CPPED1: variants seen among roughly 807,000 people sequenced by gnomAD.
CPPED1 encodes the protein serine/threonine-protein phosphatase CPPED1.
CPPED1 carries 28 observed loss-of-function variants against 28.0 expected under a neutral mutation model. That is an observed-to-expected ratio of 1.00 (90% CI 0.74 to 1.37). CPPED1 has a LOEUF of 1.37. CPPED1 is among the 40% of genes most tolerant of loss of function. The pLI, the probability that CPPED1 is intolerant of heterozygous loss-of-function variation, is 0.00. For synonymous variants in CPPED1, 198 were observed against 180.2 expected (o/e 1.10, Z -0.79); for missense variants, 504 against 416.5 (o/e 1.21, Z -1.83).
chr16:12,748,051 T>C (rs1177933679), intron 2 of CPPED1, among the ~76,000 whole-genome samples: 1 of 152,220 alleles, frequency 6.6e-6, no homozygotes. Flanking sequence ...ATTTCTGCTA[T>C]GCGTATAAAT....
intron 2 of CPPED1, among the ~76,000 whole-genome samples, chr16:12,739,336 T>C (rs955726863): frequency 3.3e-5 from 5 of 152,060 alleles, no homozygotes; most frequent in Non-Finnish European, 7.4e-5. Flanking sequence ...TCACAGCACT[T>C]TGGGAGGCTG....
intron 1 of CPPED1, 26 bp downstream of exon 1, chr16:12,803,681 C>A: frequency 6.6e-7 from 1 of 1,506,904 alleles, no homozygotes; most frequent in East Asian, 2.7e-5. Flanking sequence ...CCAGAGTCCC[C>A]TCCCCGGGTG....
chr16:12,725,755 C>T (rs766805648), intron 2 of CPPED1, among the ~76,000 whole-genome samples: 4 of 152,212 alleles, frequency 2.6e-5, no homozygotes, highest in African/African-American at 4.8e-5. Context: ...AATGAAAACA[C>T]GTCTTAGATA....
rs773062958 is a variant in CPPED1 at position 12,704,613 on chromosome 16, G to T, written c.715+11C>A. On this transcript the variant is annotated intron_variant, in intron 3 of 3. Coordinates refer to ENST00000381774, the MANE Select transcript of CPPED1 (RefSeq NM_018340.3). ...CCTTCCTCCCTGAAACCCGTGGCCC[G>T]GGGCCTCTACCTGCGTGGATGAACT... 6.3e-7 allele frequency: 1 copy of T among 1,596,982 alleles called. No individual in the cohort carries two copies. Among genetic ancestry groups the T allele is most frequent in the African/African-American group, 1.3e-5 (1 of 74,708 alleles).
chr16:12,729,093 G>A (rs1014140941), intron 2 of CPPED1, among the ~76,000 whole-genome samples: 2 of 152,230 alleles, frequency 1.3e-5, no homozygotes, highest in African/African-American at 4.8e-5. Context: ...CTCTGTGCTG[G>A]AGGAAGCCCC....
At chr16:12,792,831 C>G (rs1245575860) in intron 1 of CPPED1, among the ~76,000 whole-genome samples, 1 of 152,286 alleles carries the variant, frequency 6.6e-6, no homozygotes, top group Non-Finnish European at 1.5e-5. Context: ...ATTGTGAGGC[C>G]TCCCCAGCCA....
intron 2 of CPPED1, among the ~76,000 whole-genome samples, chr16:12,767,622 G>A (rs1247902873): frequency 6.6e-6 from 1 of 152,182 alleles, no homozygotes; most frequent in African/African-American, 2.4e-5. Context: ...GCTGGATGAA[G>A]CCCATCCATG....
chr16:12,794,951 T>C (rs2080618027), intron 1 of CPPED1, among the ~76,000 whole-genome samples: 1 of 152,236 alleles, frequency 6.6e-6, no homozygotes, highest in African/African-American at 2.4e-5. Flanking sequence ...TTGGCATCAC[T>C]GGCTTTGGCT....
At chr16:12,736,914 G>C (rs1231707929) in intron 2 of CPPED1, among the ~76,000 whole-genome samples, 4 of 152,172 alleles carry the variant, frequency 2.6e-5, no homozygotes, top group Non-Finnish European at 4.4e-5. Flanking sequence ...CATCAGATGG[G>C]TGCGGTGGCT....
chr16:12,708,340 T>G (rs1046740045), intron 2 of CPPED1, among the ~76,000 whole-genome samples: 11 of 152,108 alleles, frequency 7.2e-5, no homozygotes, highest in Non-Finnish European at 1.6e-4. Context: ...CTCTGAGTCT[T>G]GGTTTCATCG....
chr16:12,749,219 T>C (rs1203878164), intron 2 of CPPED1, among the ~76,000 whole-genome samples: 3 of 152,214 alleles, frequency 2.0e-5, no homozygotes, highest in Non-Finnish European at 4.4e-5. Context: ...TCCTTCCAAA[T>C]TGCAGTGAAT....
intron 1 of CPPED1, among the ~76,000 whole-genome samples, chr16:12,801,970 G>A (rs1444752315): frequency 1.3e-5 from 2 of 152,088 alleles, no homozygotes; most frequent in Non-Finnish European, 2.9e-5. Context: ...TCAGGGGTGG[G>A]GAGGAAGACA....
rs116004475 is a variant in CPPED1, at chr16:12,739,995, C to A, written c.290-34946G>T. The stretch of plus-strand genomic sequence containing the variant: ...TAAGTCAATGGTCGGAGCTGCCTAG[C>A]CTTGTTATTATGTGGAAAGAAAGAC... On this transcript the variant is annotated intron_variant, in intron 2 of 3. Transcript: ENST00000381774. 3.7e-3 allele frequency among the ~76,000 whole-genome samples: 549 copies of A among 147,150 alleles called. 3 individuals are homozygous for A. Among genetic ancestry groups the A allele is most frequent in the African/African-American group, 0.013 (525 of 39,690 alleles).
rs2079785167 is a variant in CPPED1 at position 12,660,048 on chromosome 16, G to C, written c.*4838C>G. The C allele has an allele frequency of 6.6e-6, 1 of 152,186 alleles. No individual in the cohort carries two copies. The highest frequency in any genetic ancestry group is 1.5e-5 in the Non-Finnish European group (1 of 68,052). 9.4% of individuals were successfully genotyped at this position (152,186 alleles called of 1,614,324 possible). A position where few individuals can be genotyped will look rare whatever the true frequency, so the allele number is the denominator to read the frequency against. On this transcript the variant is annotated 3_prime_UTR_variant, in exon 4 of 4. Transcript: ENST00000381774. Reference sequence around the variant, plus strand: ...ACCAGGTCCGTCCCTTGACACATGGGGATTATGGGGATTACAATTCGAGAT... The same window carrying C: ...ACCAGGTCCGTCCCTTGACACATGGCGATTATGGGGATTACAATTCGAGAT...
intron 2 of CPPED1, among the ~76,000 whole-genome samples, chr16:12,729,558 C>T (rs1278707265): frequency 1.3e-5 from 2 of 152,124 alleles, no homozygotes; most frequent in Admixed American, 6.5e-5. Flanking sequence ...CAGAAAACGA[C>T]GTCTGGAGTA....
At chr16:12,726,772 G>A (rs551510594) in intron 2 of CPPED1, among the ~76,000 whole-genome samples, 3 of 152,124 alleles carry the variant, frequency 2.0e-5, no homozygotes, top group East Asian at 1.9e-4. Flanking sequence ...TGGCACCACT[G>A]TACTCCAGCC....
intron 2 of CPPED1, among the ~76,000 whole-genome samples, chr16:12,756,361 C>A (rs902637113): frequency 6.6e-6 from 1 of 152,154 alleles, no homozygotes; most frequent in African/African-American, 2.4e-5. Flanking sequence ...GTGGGCAGTT[C>A]CACGCAAACT....
At chr16:12,740,627 G>C (rs763603960) in intron 2 of CPPED1, among the ~76,000 whole-genome samples, 1 of 152,152 alleles carries the variant, frequency 6.6e-6, no homozygotes, top group Non-Finnish European at 1.5e-5. Context: ...GCGTTACAAA[G>C]AAGGGAGTGC....
intron 1 of CPPED1, among the ~76,000 whole-genome samples, chr16:12,802,043 TC>T (rs2080663277): frequency 6.6e-6 from 1 of 152,094 alleles, no homozygotes; most frequent in African/African-American, 2.4e-5. Context: ...TTTGCTTCTC[TC>T]CCTGCTCTGA....
Sources: gnomAD v4.1 joint callset for allele counts (sites outside exome capture counted in the v4.1 genomes callset) on GRCh38, gnomAD v4.1.1 for gene constraint, MANE v1.5 for transcripts, NCBI Gene and HGNC (gene_info 2026-07-23, HGNC 2026-07-21) for gene names.